Variants in FOXN3 observed in about 807,000 individuals in gnomAD.
FOXN3 encodes forkhead box N3.
FOXN3 carries 7 observed loss-of-function variants against 38.4 expected under a neutral mutation model. That is an observed-to-expected ratio of 0.18 (90% confidence interval 0.10 to 0.34). FOXN3 has a LOEUF of 0.34. FOXN3 is among the 10% of genes least tolerant of loss of function. The pLI, the probability that FOXN3 is intolerant of heterozygous loss-of-function variation, is 1.00. For missense variants in FOXN3, 456 were observed against 613.4 expected, an observed-to-expected ratio of 0.74 and a Z score of 2.71; for synonymous variants, 230 against 242.2, an observed-to-expected ratio of 0.95 and a Z score of 0.47.
At chr14:89,271,476 AAAATT>A (rs1387474444) in intron 4 of FOXN3, among the ~76,000 whole-genome samples, 1 of 152,222 alleles carries the variant, frequency 6.6e-6, no homozygotes, top group East Asian at 1.9e-4. Context: ...TAAATGCTCA[AAAATT>A]AAATAAGGAA....
intron 4 of FOXN3, among the ~76,000 whole-genome samples, chr14:89,238,297 A>G (rs1285072202): frequency 6.6e-6 from 1 of 152,168 alleles, no homozygotes; most frequent in Admixed American, 6.5e-5. Flanking sequence ...ATGCCTCCCA[A>G]TCCCACTCTG....
chr14:89,277,581 G>A (rs866612979), intron 4 of FOXN3, among the ~76,000 whole-genome samples: 1 of 152,090 alleles, frequency 6.6e-6, no homozygotes, highest in African/African-American at 2.4e-5. Flanking sequence ...AGCCCCTCTT[G>A]CCAGTGATTC....
At chr14:89,244,154 CCT>C (rs773510628) in intron 4 of FOXN3, among the ~76,000 whole-genome samples, 4 of 152,106 alleles carry the variant, frequency 2.6e-5, no homozygotes, top group Non-Finnish European at 5.9e-5. Flanking sequence ...TGAAATCACC[CCT>C]GAGAAAACCA....
intron 1 of FOXN3, among the ~76,000 whole-genome samples, chr14:89,542,768 C>T (rs987851418): frequency 6.6e-6 from 1 of 152,172 alleles, no homozygotes; most frequent in African/African-American, 2.4e-5. Context: ...TTCCTGCCAT[C>T]GATGGGTTAA....
At chr14:89,386,849 TAG>T (rs1566974445) in intron 2 of FOXN3, among the ~76,000 whole-genome samples, 1 of 152,174 alleles carries the variant, frequency 6.6e-6, no homozygotes, top group South Asian at 2.1e-4. Flanking sequence ...CGTGCATGAA[TAG>T]AGTGATCTCT....
At chr14:89,582,419 G>C (rs1895759663) in intron 1 of FOXN3, among the ~76,000 whole-genome samples, 1 of 151,730 alleles carries the variant, frequency 6.6e-6, no homozygotes, top group South Asian at 2.1e-4. Flanking sequence ...TAGAGGAATA[G>C]CCAACTGAAG....
chr14:89,500,926 G>C (rs1893784769), intron 1 of FOXN3, among the ~76,000 whole-genome samples: 1 of 152,232 alleles, frequency 6.6e-6, no homozygotes, highest in African/African-American at 2.4e-5. Context: ...TTTTCATTCT[G>C]AAATTATCAC....
chr14:89,451,278 GCCTT>G (rs1892608039), intron 1 of FOXN3, among the ~76,000 whole-genome samples: 3 of 152,180 alleles, frequency 2.0e-5, no homozygotes, highest in Non-Finnish European at 4.4e-5. Flanking sequence ...CATCAATCCA[GCCTT>G]GGGGGACATC....
At chr14:89,392,183 T>A (rs1017174498) in intron 2 of FOXN3, among the ~76,000 whole-genome samples, 2 of 152,120 alleles carry the variant, frequency 1.3e-5, no homozygotes, top group African/African-American at 2.4e-5. Flanking sequence ...GAGACCTGAG[T>A]TCTGGATCCA....
intron 2 of FOXN3, among the ~76,000 whole-genome samples, chr14:89,372,720 TAAA>T (rs5810458): frequency 2.8e-5 from 4 of 144,116 alleles, no homozygotes; most frequent in Admixed American, 6.8e-5. Flanking sequence ...TCTCATGGGG[TAAA>T]AAAAAAAAAA....
At chr14:89,190,554 A>G in intron 4 of FOXN3, 1 of 845,824 alleles carries the variant, frequency 1.2e-6, no homozygotes, top group East Asian at 2.8e-5. Flanking sequence ...GAGAAAAAAA[A>G]AATATCCAGC....
chr14:89,510,055 G>T (rs531478153), intron 1 of FOXN3, among the ~76,000 whole-genome samples: 1 of 152,204 alleles, frequency 6.6e-6, no homozygotes. Flanking sequence ...CCACATGGAT[G>T]AGAGGCGGAT....
chr14:89,420,276 T>G (rs948079923), upstream of FOXN3, among the ~76,000 whole-genome samples: 2 of 152,100 alleles, frequency 1.3e-5, no homozygotes, highest in African/African-American at 4.8e-5. Context: ...CTAGCCTGAG[T>G]CACATGACTC....
chr14:89,249,743 T>C (rs1167692754), intron 4 of FOXN3, among the ~76,000 whole-genome samples: 1 of 152,076 alleles, frequency 6.6e-6, no homozygotes, highest in East Asian at 1.9e-4. Flanking sequence ...CGGTGGTGTA[T>C]AGGACTACAA....
intron 4 of FOXN3, among the ~76,000 whole-genome samples, chr14:89,246,225 C>A (rs575095891): frequency 1.3e-5 from 2 of 152,280 alleles, no homozygotes; most frequent in South Asian, 4.1e-4. Context: ...ATGTCAGTGG[C>A]CTTTCTTATT....
chr14:89,443,554 G>A (rs770599920), intron 1 of FOXN3, among the ~76,000 whole-genome samples: 10 of 152,196 alleles, frequency 6.6e-5, no homozygotes, highest in Non-Finnish European at 1.3e-4. Flanking sequence ...TCAGAGAAAG[G>A]AAAGGGGAGG....
chr14:89,208,867 C>G (rs1835048294), intron 4 of FOXN3, among the ~76,000 whole-genome samples: 1 of 152,184 alleles, frequency 6.6e-6, no homozygotes, highest in African/African-American at 2.4e-5. Context: ...CCACAATCTG[C>G]TCGACCCCTC....
chr14:89,529,332 C>T (rs1004697312), intron 1 of FOXN3, among the ~76,000 whole-genome samples: 1 of 152,166 alleles, frequency 6.6e-6, no homozygotes, highest in Non-Finnish European at 1.5e-5. Flanking sequence ...CCTGTTTGCT[C>T]CACGGCATTC....
At chr14:89,589,105 A>G (rs1176740425) in intron 1 of FOXN3, among the ~76,000 whole-genome samples, 1 of 151,782 alleles carries the variant, frequency 6.6e-6, no homozygotes, top group Non-Finnish European at 1.5e-5. Flanking sequence ...AACATCTACC[A>G]AAAAAAAATT....
Sources: gnomAD v4.1 joint callset for allele counts (sites outside exome capture counted in the v4.1 genomes callset) on GRCh38, gnomAD v4.1.1 for gene constraint, MANE v1.5 for transcripts, NCBI Gene and HGNC (gene_info 2026-07-23, HGNC 2026-07-21) for gene names.